LDB1: variants seen among roughly 807,000 people sequenced by gnomAD.
LDB1 encodes LIM domain-binding protein 1.
LDB1 carries 6 observed loss-of-function variants against 49.7 expected under a neutral mutation model. That is an observed-to-expected ratio of 0.12 (90% CI 0.07 to 0.24). The LOEUF is 0.24. LDB1 is among the 10% of genes least tolerant of loss of function. The pLI is 1.00. For synonymous variants in LDB1, 233 were observed against 202.0 expected (o/e 1.15, Z -1.30); for missense variants, 341 against 561.7 (o/e 0.61, Z 3.97).
At chr10:102,116,827 T>C (rs2068341169) in intron 1 of LDB1, among the ~76,000 whole-genome samples, 1 of 152,180 alleles carries the variant, frequency 6.6e-6, no homozygotes, top group South Asian at 2.1e-4. Flanking sequence ...CTTAAGACAC[T>C]CCCACTGACT....
Position 102,111,278 on chromosome 10 carries a change from T to C in LDB1, c.151A>G (p.Thr51Ala). 6.2e-7 allele frequency: 1 copy of C among 1,614,140 alleles called. No homozygotes were observed. The highest frequency in any genetic ancestry group is 1.1e-5 in the South Asian group (1 of 91,080). ...DVGPTPMYPP[T>A]YLEPGIGRHT... ...TACCCAATCCCTGGCTCCAGGTATG[T>C]AGGCGGATACATGGGAGTTGGGCTG... The change falls in exon 3 of 11, where the codon ACA becomes GCA. Residue 51 changes from threonine to alanine, a missense_variant. Physicochemically the swap from Thr to Ala is moderately conservative, Grantham distance 58. This residue lies in a region of LDB1 where 48 missense variants were observed against 43.9 expected (regional missense o/e 1.09). Transcript: ENST00000673968.
intron 1 of LDB1, 56 bp from the exon 2 acceptor site, chr10:102,111,592 AGCACTTTGGGAGTCCAAG>A (rs1255424501): frequency 2.4e-5 from 26 of 1,069,690 alleles, no homozygotes; most frequent in Non-Finnish European, 3.3e-5. Context: ...TCTGTAATCT[AGCACTTTGGGAGTCCAAG>A]GCAAGAAGAT....
chr10:102,117,523 A>G lies in LDB1; in HGVS notation c.25+2563T>C, dbSNP rs1425932908. ...CCAGCCCCAGCCCACAGGATGAGGT[A>G]CCAGCACTGCCCCCTGCCCGGGCCC... On this transcript the variant is annotated intron_variant, in intron 1 of 10. Transcript: ENST00000673968. This position sits in a 1 kb window ranked among gnomAD's most constrained non-coding sequence, Gnocchi z 4.2. Among the ~76,000 whole-genome samples, 3 of 152,074 alleles carry G rather than the reference A, an allele frequency of 2.0e-5. No homozygotes were observed. Among genetic ancestry groups the G allele is most frequent in the Non-Finnish European group, 2.9e-5 (2 of 67,992 alleles).
chr10:102,108,924 A>G (rs898739703), intron 10 of LDB1, 105 bp downstream of exon 10: 7 of 1,486,806 alleles, frequency 4.7e-6, no homozygotes, highest in African/African-American at 4.2e-5. Context: ...GTACATGAGA[A>G]AAACTGTCTT....
chr10:102,116,046 T>C (rs2068332705), intron 1 of LDB1, among the ~76,000 whole-genome samples: 1 of 152,128 alleles, frequency 6.6e-6, no homozygotes, highest in South Asian at 2.1e-4. Context: ...CACACATAAC[T>C]CCAAGGACAG....
chr10:102,106,387 G>A (rs1280425269), downstream of LDB1, among the ~76,000 whole-genome samples: 3 of 151,564 alleles, frequency 2.0e-5, no homozygotes, highest in Non-Finnish European at 4.4e-5. Flanking sequence ...AATGTGAGGT[G>A]AGTGAAGGGA....
At chr10:102,108,914 G>T in intron 10 of LDB1, 115 bp downstream of exon 10, 2 of 1,371,334 alleles carry the variant, frequency 1.5e-6, no homozygotes, top group Non-Finnish European at 2.1e-6. Context: ...TGCTGGCAGA[G>T]TACATGAGAA....
chr10:102,119,528 T>C (rs2068381518), intron 1 of LDB1, among the ~76,000 whole-genome samples: 1 of 152,018 alleles, frequency 6.6e-6, no homozygotes. Flanking sequence ...CTGGCACCTC[T>C]TAGGAGTACC....
At chr10:102,105,180 C>T (rs551329395), downstream of LDB1, among the ~76,000 whole-genome samples, 1 of 152,156 alleles carries the variant, frequency 6.6e-6, no homozygotes, top group Non-Finnish European at 1.5e-5. Context: ...TAGATGTTAC[C>T]TGGCACTCTC....
intron 2 of LDB1, 29 bp downstream of exon 2, chr10:102,111,405 G>T: frequency 6.3e-7 from 1 of 1,599,938 alleles, no homozygotes; most frequent in Non-Finnish European, 8.6e-7. Flanking sequence ...CTGGAGAAGG[G>T]TTAGGAAGTG....
Position 102,110,006 on chromosome 10 carries a change from A to G in LDB1, c.563T>C (p.Phe188Ser). The G allele has an allele frequency of 6.2e-7, 1 of 1,613,552 alleles. No homozygotes were observed. Among genetic ancestry groups the G allele is most frequent in the South Asian group, 1.1e-5 (1 of 91,056 alleles). ...VEGRLYLEFM[F>S]DDMMRIKTWH... ...CGTCTTTATCCGCATCATGTCGTCA[A>G]ACATGAACTCCAGGTACAACCGGCC... is the stretch of plus-strand genomic sequence containing the variant. Residue 188 changes from phenylalanine (F) to serine (S), a missense_variant, in exon 7 of 11, where the codon TTT becomes TCT. Transcript: ENST00000673968.
At chr10:102,108,994 C>A in intron 10 of LDB1, 35 bp downstream of exon 10, 3 of 1,614,084 alleles carry the variant, frequency 1.9e-6, no homozygotes, top group Non-Finnish European at 2.5e-6. Flanking sequence ...AGTGGTGGGG[C>A]AGCCCAGAAG....
intron 6 of LDB1, 103 bp downstream of exon 6, chr10:102,110,426 C>T: frequency 1.6e-6 from 2 of 1,230,524 alleles, no homozygotes; most frequent in East Asian, 4.9e-5. Flanking sequence ...TTTGCCAGTT[C>T]ACATTATGCC....
upstream of LDB1, among the ~76,000 whole-genome samples, chr10:102,120,857 C>G (rs990457505): frequency 2.0e-5 from 3 of 152,072 alleles, no homozygotes; most frequent in African/African-American, 7.2e-5. Flanking sequence ...TCTCTCCACC[C>G]CGGGCCGCGC....
At chr10:102,118,636 TC>T (rs1431427577) in intron 1 of LDB1, among the ~76,000 whole-genome samples, 1 of 152,206 alleles carries the variant, frequency 6.6e-6, no homozygotes, top group Non-Finnish European at 1.5e-5. Flanking sequence ...AATTTAAGAC[TC>T]ATCCCTCTAG....
At position 102,106,718 on chromosome 10, in the gene LDB1, G is replaced by C. The variant is rs1202978636; in HGVS notation, c.*1375C>G. 3.3e-5 allele frequency among the ~76,000 whole-genome samples: 5 copies of C among 152,014 alleles called. No individual in the cohort carries two copies. In the South Asian group the frequency reaches 1.0e-3, roughly 31 times the overall value. ...GACCCCAGAATCCAGAGGGAAGAGT[G>C]GGGAGAGAGGTGGTGTTAGCACTTC... On this transcript the variant is annotated 3_prime_UTR_variant, in exon 11 of 11. Coordinates refer to ENST00000673968, the MANE Select transcript of LDB1 (RefSeq NM_001113407.3).
rs190972293 is a variant in LDB1 at position 102,116,325 on chromosome 10, G to A, written c.25+3761C>T. Among the ~76,000 whole-genome samples the A allele has an allele frequency of 2.7e-3, 415 of 152,270 alleles. 5 individuals carry two copies. Among genetic ancestry groups the A allele is most frequent in the Non-Finnish European group, 2.8e-3 (188 of 68,018 alleles). ...GCCTCCTGAGTAGCTGAGATTACAG[G>A]TGCATGCCACCACACCCAGCTAATT... On this transcript the variant is annotated intron_variant, in intron 1 of 10. Transcript: ENST00000673968.
In LDB1 at chr10:102,111,206, C is replaced by T. The variant is rs2786841; in HGVS notation, c.173+50G>A. 286 of 1,611,860 alleles carry T rather than the reference C, an allele frequency of 1.8e-4. 2 individuals carry two copies. In the African/African-American group the frequency reaches 2.8e-3, roughly 16 times the overall value. On this transcript the variant is annotated intron_variant, in intron 3 of 10. Coordinates refer to ENST00000673968, the MANE Select transcript of LDB1 (RefSeq NM_001113407.3). ...AGCCTGCCCCCTCCACCCCCTACCTCGGCCTTCACCCAGTGGAAAGCACCT... is the reference window on the plus strand; with the variant it reads ...AGCCTGCCCCCTCCACCCCCTACCTTGGCCTTCACCCAGTGGAAAGCACCT...
rs748162410 is a variant in LDB1 at position 102,109,177 on chromosome 10, G to A, written c.857C>T (p.Ala286Val). 8.1e-6 allele frequency: 13 copies of A among 1,613,398 alleles called. No homozygotes were observed. The highest frequency in any genetic ancestry group is 5.0e-5 in the Admixed American group (3 of 60,022). ...GCTGGGCTGCTGACGTGTGGGCTCC[G>A]CTGTGCCGGTAAACGGAGACTCAGA... ...QKWQRMVAPP[A>V]EPTRQQPSKR... is the part of the protein sequence containing the mutation. Residue 286 changes from alanine to valine, a missense_variant and splice_region_variant, in exon 10 of 11, where the codon GCG becomes GTG. Ala to Val is a moderately conservative substitution (Grantham distance 64). This residue lies in a region of LDB1 where 233 missense variants were observed against 385.7 expected (regional missense o/e 0.60). Coordinates refer to ENST00000673968, the MANE Select transcript of LDB1 (RefSeq NM_001113407.3). The surrounding 1 kb of genome is among the most constrained non-coding windows in gnomAD (Gnocchi z 5.8).
Sources: allele counts gnomAD v4.1 joint callset (sites outside exome capture counted in the v4.1 genomes callset), GRCh38; gene constraint gnomAD v4.1.1; regional missense constraint gnomAD v4.1.1; non-coding constraint Gnocchi (gnomAD v3.1); transcripts MANE v1.5; gene names NCBI Gene and HGNC (gene_info 2026-07-23, HGNC 2026-07-21).